PFKFB4: variants seen among roughly 807,000 people sequenced by gnomAD.
The protein encoded by PFKFB4 is 6-phosphofructo-2-kinase/fructose-2,6-bisphosphatase 4.
Under a neutral mutation model 62.8 loss-of-function variants are expected in PFKFB4, and 42 were observed. That is an observed-to-expected ratio of 0.67 (90% confidence interval 0.52 to 0.86). The LOEUF (loss-of-function observed/expected upper bound fraction) is 0.86, where lower values mean the gene tolerates loss of function less well. Ranked by LOEUF, PFKFB4 falls within the 40% of genes least tolerant of loss-of-function variation. The pLI, the probability that PFKFB4 is intolerant of heterozygous loss-of-function variation, is 0.00. For synonymous variants in PFKFB4, 204 were observed against 240.7 expected (o/e 0.85, Z 1.41); for missense variants, 475 against 627.2 (o/e 0.76, Z 2.59).
In PFKFB4 at chr3:48,543,625, G is replaced by A. The variant is rs1343661846; in HGVS notation, c.333C>T (p.Leu111=). The A allele has an allele frequency of 1.9e-6, 3 of 1,612,122 alleles. No individual in the cohort carries two copies. The highest frequency in any genetic ancestry group is 2.2e-5 in the East Asian group (1 of 44,840). The change falls in exon 4 of 14, where the codon CTC becomes CTT. Residue 111 remains leucine (L), a synonymous_variant. Transcript: ENST00000232375. ...CACTAAGGAACCGCCGGACGTCACG[G>A]AGGGCTGCCAGGGCACACTGCCTTC... ...KIRKQCALAA[L]RDVRRFLSEE... is the part of the protein sequence containing the mutation.
intron 9 of PFKFB4, among the ~76,000 whole-genome samples, chr3:48,529,187 G>A (rs1013858903): frequency 4.6e-5 from 7 of 151,998 alleles, no homozygotes; most frequent in South Asian, 2.1e-4. Flanking sequence ...ACAGGTGTGC[G>A]CCACCACAAA....
Position 48,521,347 on chromosome 3 carries a change from G to A in PFKFB4, c.1350+639C>T, listed in dbSNP as rs370182232. ...CCAACATTGTGGAGGGACCCCACAT[G>A]GGACTAAGAGTGGTTCTGAGCTACA... is the stretch of plus-strand genomic sequence containing the variant. On this transcript the variant is annotated intron_variant, in intron 13 of 13. Coordinates refer to ENST00000232375, the MANE Select transcript of PFKFB4 (RefSeq NM_004567.4). This position sits in a 1 kb window ranked among gnomAD's most constrained non-coding sequence, Gnocchi z 5.3. Among the ~76,000 whole-genome samples the A allele has an allele frequency of 1.6e-4, 25 of 152,284 alleles. No individual in the cohort carries two copies. The highest frequency in any genetic ancestry group is 6.0e-4 in the African/African-American group (25 of 41,562).
At chr3:48,539,370 C>T (rs2042732034) in intron 5 of PFKFB4, 60 bp from the exon 6 acceptor site, 1 of 1,435,502 alleles carries the variant, frequency 7.0e-7, no homozygotes, top group Non-Finnish European at 9.8e-7. Flanking sequence ...ATGTTCAGGG[C>T]CTCCCGCCTT....
rs756134263 is a variant in PFKFB4 at position 48,539,343 on chromosome 3, G to A, written c.454-33C>T. ...AGGACCAGAAGCGCCGGGGTGGTGGGAGGGAGGAACACGGACATGTTCAGG... is the reference window on the plus strand; with the variant it reads ...AGGACCAGAAGCGCCGGGGTGGTGGAAGGGAGGAACACGGACATGTTCAGG... On this transcript the variant is annotated intron_variant, in intron 5 of 13. Coordinates refer to ENST00000232375, the MANE Select transcript of PFKFB4 (RefSeq NM_004567.4). 105 of 1,600,480 alleles carry A rather than the reference G, an allele frequency of 6.6e-5. 1 individual carries two copies. The highest frequency in any genetic ancestry group is 3.2e-4 in the Admixed American group (19 of 59,696).
chr3:48,544,367 T>G (rs1267202733), intron 3 of PFKFB4, among the ~76,000 whole-genome samples: 1 of 151,858 alleles, frequency 6.6e-6, no homozygotes, highest in Non-Finnish European at 1.5e-5. Context: ...GCATCTCTTC[T>G]TCTATCATAT....
In PFKFB4 at chr3:48,550,173, G is replaced by T; in HGVS notation, c.159C>A (p.Thr53=). 1 of 1,614,178 alleles carries T rather than the reference G, an allele frequency of 6.2e-7. No individual in the cohort carries two copies. Among genetic ancestry groups the T allele is most frequent in the Non-Finnish European group, 8.5e-7 (1 of 1,179,998 alleles). Residue 53 remains threonine, a synonymous_variant, in exon 2 of 14, where the codon ACC becomes ACA. Coordinates refer to ENST00000232375, the MANE Select transcript of PFKFB4 (RefSeq NM_004567.4). ...VMVGLPARGK[T]YISKKLTRYL... Reference sequence around the variant, plus strand: ...ATCGAGTCAGCTTCTTGGAGATGTAGGTCTTGCCCCTGGCGGGCAGGCCCA... The same window carrying T: ...ATCGAGTCAGCTTCTTGGAGATGTATGTCTTGCCCCTGGCGGGCAGGCCCA...
chr3:48,523,207 C>A (rs9682142), intron 12 of PFKFB4, among the ~76,000 whole-genome samples: 7,549 of 152,038 alleles, frequency 0.05, 619 homozygotes, highest in African/African-American at 0.17. Flanking sequence ...AACATGGTGA[C>A]ACTCTGTCTC....
At chr3:48,561,075 A>G, upstream of PFKFB4, 1 of 1,281,466 alleles carries the variant, frequency 7.8e-7, no homozygotes, top group African/African-American at 1.5e-5. This position sits in a 1 kb window ranked among gnomAD's most constrained non-coding sequence, Gnocchi z 5.2. Flanking sequence ...CCCCGGCCCC[A>G]GGTCGGTCAG....
At chr3:48,545,768 T>C (rs546728595) in intron 3 of PFKFB4, among the ~76,000 whole-genome samples, 1 of 152,278 alleles carries the variant, frequency 6.6e-6, no homozygotes, top group African/African-American at 2.4e-5. Context: ...TGTCCAGCCC[T>C]TGTAACCATT....
chr3:48,523,892 C>T, intron 10 of PFKFB4, 62 bp from the exon 11 acceptor site: 1 of 1,540,424 alleles, frequency 6.5e-7, no homozygotes, highest in South Asian at 1.2e-5. Flanking sequence ...CAGACACATC[C>T]TGGACACTGG....
chr3:48,547,839 G>A (rs2043012176), intron 3 of PFKFB4: 1 of 152,234 alleles, frequency 6.6e-6, no homozygotes, highest in African/African-American at 2.4e-5. Context: ...CACTGTGTGA[G>A]TAACTGGGCC....
At chr3:48,560,689 C>A (rs2043418363), upstream of PFKFB4, among the ~76,000 whole-genome samples, 1 of 152,228 alleles carries the variant, frequency 6.6e-6, no homozygotes, top group Non-Finnish European at 1.5e-5. Flanking sequence ...TCATGTGAAA[C>A]CCATCCTAAA....
intron 9 of PFKFB4, among the ~76,000 whole-genome samples, chr3:48,526,768 G>A (rs554191235): frequency 1.0e-4 from 15 of 149,232 alleles, no homozygotes; most frequent in East Asian, 7.9e-4. Context: ...GTGAAACCCC[G>A]TCTCTACTAA....
intron 1 of PFKFB4, among the ~76,000 whole-genome samples, chr3:48,551,293 G>A (rs2107590634): frequency 6.8e-6 from 1 of 146,050 alleles, no homozygotes; most frequent in Admixed American, 7.1e-5. Flanking sequence ...TTGGCTCACT[G>A]CAACCTCTGC....
chr3:48,520,553 T>C (rs907959216), intron 13 of PFKFB4, among the ~76,000 whole-genome samples: 2 of 152,130 alleles, frequency 1.3e-5, no homozygotes, highest in African/African-American at 4.8e-5. Flanking sequence ...CATGCCCAGA[T>C]CTTCAGGGAG....
chr3:48,528,693 T>G (rs1286349716), intron 9 of PFKFB4, among the ~76,000 whole-genome samples: 1 of 152,142 alleles, frequency 6.6e-6, no homozygotes, highest in South Asian at 2.1e-4. Context: ...ACCTTGGACA[T>G]GAATGTTCAC....
intron 12 of PFKFB4, among the ~76,000 whole-genome samples, chr3:48,522,763 CTTT>C (rs112668189): frequency 7.0e-6 from 1 of 143,738 alleles, no homozygotes. Context: ...TCACAACAAA[CTTT>C]TTTTTTTTTT....
chr3:48,554,055 G>A lies in PFKFB4; in HGVS notation c.97+2626C>T, dbSNP rs538647740. Among the ~76,000 whole-genome samples the A allele has an allele frequency of 1.2e-3, 188 of 152,212 alleles. 2 individuals carry two copies. The highest frequency in any genetic ancestry group is 4.1e-3 in the African/African-American group (172 of 41,512). On this transcript the variant is annotated intron_variant, in intron 1 of 13. Transcript: ENST00000232375. ...GCTTTAAATTTTATCAAGCGGGGGC[G>A]TGCCTGTGGGAGTGGAGGAGGTGCA...
At chr3:48,561,922 A>T (rs2043438504), upstream of PFKFB4, 1 of 152,296 alleles carries the variant, frequency 6.6e-6, no homozygotes, top group African/African-American at 2.4e-5. This position sits in a 1 kb window ranked among gnomAD's most constrained non-coding sequence, Gnocchi z 5.2. Context: ...GAGCTCCGGC[A>T]GCCTGAGCCC....
Sources: gnomAD v4.1 joint callset for allele counts (sites outside exome capture counted in the v4.1 genomes callset) on GRCh38, gnomAD v4.1.1 for gene constraint, Gnocchi (gnomAD v3.1) non-coding constraint, MANE v1.5 for transcripts, NCBI Gene and HGNC (gene_info 2026-07-23, HGNC 2026-07-21) for gene names.